The following ASAP1 variants were observed in gnomAD, a reference collection of about 807,000 sequenced individuals.
ASAP1 encodes the protein ArfGAP with SH3 domain, ankyrin repeat and PH domain 1, also known as arf-GAP with SH3 domain, ANK repeat and PH domain-containing protein 1.
A neutral mutation model predicts 145.2 loss-of-function variants in ASAP1; 43 were observed. That is an observed-to-expected ratio of 0.30 (90% CI 0.23 to 0.38). The LOEUF is 0.38. Among genes scored for constraint, ASAP1 ranks in the 10% least tolerant of loss-of-function variants. The pLI, the probability that ASAP1 is intolerant of heterozygous loss-of-function variation, is 1.00. For synonymous variants in ASAP1, 546 were observed against 515.5 expected, an observed-to-expected ratio of 1.06 and a Z score of -0.80; for missense variants, 1,018 against 1,355.3, an observed-to-expected ratio of 0.75 and a Z score of 3.91.
intron 3 of ASAP1, among the ~76,000 whole-genome samples, chr8:130,323,417 A>G (rs16904249): frequency 0.18 from 27,954 of 152,190 alleles, 3,276 homozygotes; most frequent in East Asian, 0.44. Flanking sequence ...CAACACTATC[A>G]GACAAGGGAA....
chr8:130,159,772 A>G, intron 12 of ASAP1, 92 bp downstream of exon 12: 1 of 978,110 alleles, frequency 1.0e-6, no homozygotes. Flanking sequence ...CTAGTGTATT[A>G]TAAAATTTTA....
At chr8:130,167,439 A>G (rs1486408197) in intron 11 of ASAP1, 97 bp downstream of exon 11, 2 of 956,004 alleles carry the variant, frequency 2.1e-6, no homozygotes, top group African/African-American at 3.2e-5. Context: ...CATATTATAT[A>G]TCACTGTGCC....
intron 3 of ASAP1, among the ~76,000 whole-genome samples, chr8:130,260,281 T>C (rs1316620306): frequency 6.6e-6 from 1 of 152,140 alleles, no homozygotes; most frequent in African/African-American, 2.4e-5. Flanking sequence ...CAAATCACTG[T>C]GCACTCTGAT....
At chr8:130,071,913 T>G (rs956454820) in intron 27 of ASAP1, among the ~76,000 whole-genome samples, 1 of 152,196 alleles carries the variant, frequency 6.6e-6, no homozygotes, top group African/African-American at 2.4e-5. Context: ...TGATATGTAT[T>G]AGTTTTCGTC....
At chr8:130,287,582 A>G (rs910319310) in intron 3 of ASAP1, among the ~76,000 whole-genome samples, 1 of 152,040 alleles carries the variant, frequency 6.6e-6, no homozygotes, top group Non-Finnish European at 1.5e-5. Flanking sequence ...ATAAAGCCTA[A>G]CCCACAAAGC....
Position 130,296,922 on chromosome 8 carries a change from A to T in ASAP1, c.187-59928T>A, listed in dbSNP as rs553388333. On this transcript the variant is annotated intron_variant, in intron 3 of 29. Transcript: ENST00000518721. ...CTTTTTCACAGTCTGGTAGCTTTCA[A>T]GTTTAACTGTCTTTTTTGGGGGGCT... is the stretch of plus-strand genomic sequence containing the variant. 2.6e-5 allele frequency among the ~76,000 whole-genome samples: 4 copies of T among 152,142 alleles called. No homozygotes were observed. In the East Asian group the frequency reaches 7.7e-4, roughly 29 times the overall value.
At chr8:130,180,174 A>C (rs539665044) in intron 8 of ASAP1, among the ~76,000 whole-genome samples, 11 of 152,118 alleles carry the variant, frequency 7.2e-5, no homozygotes, top group Non-Finnish European at 1.5e-4. Context: ...AAAATTTGAC[A>C]AAGTTCTCCA....
chr8:130,391,085 G>C (rs530027278), intron 2 of ASAP1, among the ~76,000 whole-genome samples: 1 of 152,282 alleles, frequency 6.6e-6, no homozygotes, highest in African/African-American at 2.4e-5. Flanking sequence ...ACATACAATG[G>C]AATGTTATTT....
chr8:130,425,490 C>T lies in ASAP1; in HGVS notation c.-28+17970G>A, dbSNP rs192050836. Among the ~76,000 whole-genome samples, 15 of 152,268 alleles carry T rather than the reference C, an allele frequency of 9.9e-5. No homozygotes were observed. In the East Asian group the frequency reaches 2.7e-3, roughly 27 times the overall value. On this transcript the variant is annotated intron_variant, in intron 1 of 29. Coordinates refer to ENST00000518721, the MANE Select transcript of ASAP1 (RefSeq NM_018482.4). ...CGAGATCTCACCACTGCACTCCAGCCTGGGCGACAGAGCAAGACTCTGTCT... is the reference window on the plus strand; with the variant it reads ...CGAGATCTCACCACTGCACTCCAGCTTGGGCGACAGAGCAAGACTCTGTCT...
At chr8:130,312,782 TC>T (rs1363956681) in intron 3 of ASAP1, among the ~76,000 whole-genome samples, 1 of 152,154 alleles carries the variant, frequency 6.6e-6, no homozygotes. Context: ...ACAGAAATTT[TC>T]CCCCCTAGAA....
chr8:130,263,897 A>G (rs1474101537), intron 3 of ASAP1, among the ~76,000 whole-genome samples: 1 of 152,264 alleles, frequency 6.6e-6, no homozygotes, highest in African/African-American at 2.4e-5. Context: ...AGAGCAGTTC[A>G]GTGTGTCTAA....
chr8:130,213,681 T>C (rs546345578), intron 5 of ASAP1, among the ~76,000 whole-genome samples: 2 of 152,338 alleles, frequency 1.3e-5, no homozygotes, highest in East Asian at 1.9e-4. Flanking sequence ...AGTTTTCCTT[T>C]GGCACCTTTC....
intron 27 of ASAP1, among the ~76,000 whole-genome samples, chr8:130,066,566 CTTTCT>C (rs2097431196): frequency 2.0e-5 from 3 of 151,722 alleles, no homozygotes; most frequent in South Asian, 2.1e-4. Context: ...CTCATTCTTT[CTTTCT>C]TTTTTCTTTC....
chr8:130,426,076 G>A (rs1223336836), intron 1 of ASAP1, among the ~76,000 whole-genome samples: 1 of 152,098 alleles, frequency 6.6e-6, no homozygotes, highest in Non-Finnish European at 1.5e-5. Context: ...TCGGAGGAGG[G>A]GCCTTGTGGG....
chr8:130,324,416 C>G (rs569772151), intron 3 of ASAP1, among the ~76,000 whole-genome samples: 22 of 152,294 alleles, frequency 1.4e-4, no homozygotes, highest in African/African-American at 5.1e-4. Flanking sequence ...AACTGGAGAG[C>G]TGTATCCACT....
chr8:130,311,795 G>T (rs1359884853), intron 3 of ASAP1, among the ~76,000 whole-genome samples: 3 of 127,054 alleles, frequency 2.4e-5, no homozygotes, highest in Admixed American at 7.8e-5. Flanking sequence ...AGTGATATAG[G>T]TTACTTATAA....
At chr8:130,323,346 G>A (rs1824130565) in intron 3 of ASAP1, among the ~76,000 whole-genome samples, 1 of 152,172 alleles carries the variant, frequency 6.6e-6, no homozygotes, top group Non-Finnish European at 1.5e-5. Flanking sequence ...AGAAACAAGA[G>A]GGAACATACT....
chr8:130,373,193 A>G (rs1451127592), intron 2 of ASAP1, among the ~76,000 whole-genome samples: 1 of 152,100 alleles, frequency 6.6e-6, no homozygotes, highest in Admixed American at 6.5e-5. Context: ...AAAAAAAAAA[A>G]AACCATGTAA....
intron 2 of ASAP1, among the ~76,000 whole-genome samples, chr8:130,389,712 T>A (rs1310249722): frequency 2.0e-5 from 3 of 152,186 alleles, no homozygotes. Flanking sequence ...TTATTTATTT[T>A]TTTCCTGAGA....
Sources: allele counts gnomAD v4.1 joint callset (sites outside exome capture counted in the v4.1 genomes callset), GRCh38; gene constraint gnomAD v4.1.1; transcripts MANE v1.5; gene names NCBI Gene and HGNC (gene_info 2026-07-23, HGNC 2026-07-21).